USP45: variants seen among roughly 807,000 people sequenced by gnomAD.
The protein encoded by USP45 is ubiquitin specific peptidase 45.
A neutral mutation model predicts 95.8 loss-of-function variants in USP45; 89 were observed. The observed-to-expected ratio is 0.93, with a 90% CI of 0.78 to 1.11. The LOEUF is 1.11. Among genes scored for constraint, USP45 ranks in the 50% least tolerant of loss-of-function variants. The probability of loss-of-function intolerance (pLI) is 0.00; values close to 1 mark genes in which losing one functional copy is unlikely to be tolerated. For missense variants in USP45, 898 were observed against 942.5 expected (o/e 0.95, Z 0.62); for synonymous variants, 281 against 316.2 (o/e 0.89, Z 1.18).
intron 8 of USP45, among the ~76,000 whole-genome samples, chr6:99,476,593 T>C (rs1790928953): frequency 6.6e-6 from 1 of 152,250 alleles, no homozygotes; most frequent in African/African-American, 2.4e-5. Context: ...GCAACTACTA[T>C]ATGTTAAGCA....
At chr6:99,491,840 C>T (rs897835056) in intron 5 of USP45, among the ~76,000 whole-genome samples, 1 of 151,574 alleles carries the variant, frequency 6.6e-6, no homozygotes, top group African/African-American at 2.4e-5. Flanking sequence ...AGCTTATTAA[C>T]ATGAAAACAG....
At chr6:99,498,326 T>A (rs1320578008) in intron 5 of USP45, among the ~76,000 whole-genome samples, 1 of 152,244 alleles carries the variant, frequency 6.6e-6, no homozygotes, top group Non-Finnish European at 1.5e-5. Flanking sequence ...ACATTCTATT[T>A]GGTTTATTCA....
Position 99,446,008 on chromosome 6 carries a change from AC to A in USP45, c.1763del (p.Cys588PhefsTer3). 6.2e-7 allele frequency: 1 copy of A among 1,614,048 alleles called. No homozygotes were observed. The highest frequency in any genetic ancestry group is 2.2e-5 in the East Asian group (1 of 44,882). On this transcript the variant is annotated frameshift_variant, in exon 14 of 18. Transcript: ENST00000500704. LOFTEE classifies it high-confidence loss of function. ...ACCTCAAATGCTTCCCCTCTAAAAAACATAAATTATTTGAAATATTTAGTGG... is the reference window on the plus strand; with the variant it reads ...ACCTCAAATGCTTCCCCTCTAAAAAAATAAATTATTTGAAATATTTAGTGG... ...NQPLNISNNL[C>X]FLEGKHLRSY...
At chr6:99,444,962 C>A (rs1304853503) in intron 14 of USP45, among the ~76,000 whole-genome samples, 2 of 152,196 alleles carry the variant, frequency 1.3e-5, no homozygotes, top group African/African-American at 4.8e-5. Context: ...CACTAAGAAT[C>A]AGAGTATTCT....
At chr6:99,447,809 T>G (rs1357882017) in intron 13 of USP45, among the ~76,000 whole-genome samples, 1 of 152,196 alleles carries the variant, frequency 6.6e-6, no homozygotes, top group Non-Finnish European at 1.5e-5. Flanking sequence ...AGGGGCACAC[T>G]GACACCTCAC....
chr6:99,491,246 G>T (rs1200948724), intron 5 of USP45, among the ~76,000 whole-genome samples: 1 of 152,184 alleles, frequency 6.6e-6, no homozygotes, highest in Non-Finnish European at 1.5e-5. Context: ...AGAAAAGGGG[G>T]AAGAGGCCAG....
intron 16 of USP45, among the ~76,000 whole-genome samples, chr6:99,439,243 T>C (rs1374759243): frequency 6.6e-6 from 1 of 152,212 alleles, no homozygotes; most frequent in Non-Finnish European, 1.5e-5. Flanking sequence ...ATCTACACAA[T>C]TCTTACATGT....
chr6:99,486,908 C>T (rs924026607), intron 7 of USP45, among the ~76,000 whole-genome samples: 5 of 152,056 alleles, frequency 3.3e-5, no homozygotes, highest in African/African-American at 1.2e-4. Flanking sequence ...TCAACACCTC[C>T]CAGCCAAAGT....
At position 99,443,583 on chromosome 6, in the gene USP45, G is replaced by A. The variant is rs1259040917; in HGVS notation, c.2055C>T (p.His685=). 30 of 1,607,796 alleles carry A rather than the reference G, an allele frequency of 1.9e-5. No homozygotes were observed. Among genetic ancestry groups the A allele is most frequent in the Non-Finnish European group, 2.6e-5 (30 of 1,176,456 alleles). The stretch of plus-strand genomic sequence containing the variant: ...AACTTACCTGATGAAATCTTTTCAG[G>A]TGGAGAATTAGGACAGCTGGAACAG... ...ISAVPAVLIL[H]LKRFHQAGLS... The change falls in exon 15 of 18, where the codon CAC becomes CAT. Residue 685 remains histidine, a synonymous_variant. Transcript: ENST00000500704.
chr6:99,467,173 G>A (rs1256667489), intron 10 of USP45, among the ~76,000 whole-genome samples: 1 of 152,024 alleles, frequency 6.6e-6, no homozygotes, highest in Non-Finnish European at 1.5e-5. Flanking sequence ...CAAGTGTAAG[G>A]AATTAACATA....
chr6:99,501,997 A>G, intron 5 of USP45: 1 of 1,302,906 alleles, frequency 7.7e-7, no homozygotes, highest in South Asian at 1.2e-5. Context: ...ATGAATCAGG[A>G]TGGGGCCTGG....
intron 8 of USP45, among the ~76,000 whole-genome samples, chr6:99,480,272 A>C (rs1179122168): frequency 6.6e-6 from 1 of 152,210 alleles, no homozygotes. Flanking sequence ...AACTGGTAAG[A>C]TATCATACAT....
At chr6:99,456,621 C>G (rs1253503508) in intron 13 of USP45, among the ~76,000 whole-genome samples, 1 of 152,216 alleles carries the variant, frequency 6.6e-6, no homozygotes, top group Non-Finnish European at 1.5e-5. Context: ...CTTCCCCAAT[C>G]AATACCCTTG....
chr6:99,475,024 T>C (rs1790452137), intron 9 of USP45, among the ~76,000 whole-genome samples: 1 of 152,146 alleles, frequency 6.6e-6, no homozygotes, highest in African/African-American at 2.4e-5. Flanking sequence ...GACTCCTCTC[T>C]CCTAGCCACA....
chr6:99,494,764 C>T (rs367914365), intron 5 of USP45, among the ~76,000 whole-genome samples: 87 of 152,104 alleles, frequency 5.7e-4, no homozygotes, highest in African/African-American at 2.0e-3. Flanking sequence ...CATGGTGGCG[C>T]TTGCCTGTAG....
chr6:99,488,425 T>C, intron 6 of USP45, 130 bp from the exon 7 acceptor site: 1 of 694,772 alleles, frequency 1.4e-6, no homozygotes. Context: ...TTTAGTTGAG[T>C]ACATTTTACA....
rs903751977 is a variant in USP45 at position 99,432,706 on chromosome 6, A to C, written c.*3010T>G. The C allele has an allele frequency of 9.2e-5, 14 of 152,602 alleles. No homozygotes were observed. The highest frequency in any genetic ancestry group is 7.3e-5 in the Non-Finnish European group (5 of 68,036). 9.5% of individuals were successfully genotyped at this position (152,602 alleles called of 1,614,324 possible). On this transcript the variant is annotated 3_prime_UTR_variant, in exon 18 of 18. Transcript: ENST00000500704. ...CTATCTAAAGGCTCAATTTTATTGC[A>C]CATATTTGGTTTAGGCTTATTTGAT...
chr6:99,442,707 T>A (rs1781748810), intron 15 of USP45, among the ~76,000 whole-genome samples: 1 of 149,854 alleles, frequency 6.7e-6, no homozygotes, highest in Non-Finnish European at 1.5e-5. Context: ...ATTAGCTAGG[T>A]GTGGTGGCAC....
rs202203152 is a variant in USP45 at position 99,480,929 on chromosome 6, CA to C, written c.845+1823del. 8.5e-3 allele frequency among the ~76,000 whole-genome samples: 1,290 copies of C among 151,590 alleles called. 15 individuals carry two copies. The highest frequency in any genetic ancestry group is 0.028 in the African/African-American group (1,174 of 41,376). On this transcript the variant is annotated intron_variant, in intron 8 of 17. Coordinates refer to ENST00000500704, the MANE Select transcript of USP45 (RefSeq NM_001346022.3). ...TTAAAAGTAAACGCCATAAAACAAA[CA>C]AAAAAAAGGCAATTTAAAACTTTTC...
Sources: gnomAD v4.1 joint callset for allele counts (sites outside exome capture counted in the v4.1 genomes callset) on GRCh38, gnomAD v4.1.1 for gene constraint, MANE v1.5 for transcripts, NCBI Gene and HGNC (gene_info 2026-07-23, HGNC 2026-07-21) for gene names.